Variants in PAG1 observed in about 807,000 individuals in gnomAD.
The protein encoded by PAG1 is phosphoprotein associated with glycosphingolipid-enriched microdomains 1.
A neutral mutation model predicts 31.7 loss-of-function variants in PAG1; 23 were observed. That is an observed-to-expected ratio of 0.73 (90% CI 0.52 to 1.03). The LOEUF (loss-of-function observed/expected upper bound fraction) is 1.03. PAG1 is among the 50% of genes least tolerant of loss of function. PAG1 has a pLI of 0.00. For missense variants in PAG1, 473 were observed against 540.7 expected (o/e 0.87, Z 1.24); for synonymous variants, 214 against 210.3 (o/e 1.02, Z -0.15).
In PAG1 at chr8:80,972,279, C is replaced by T. The variant is rs1807093150; in HGVS notation, c.*4265G>A. 1 of 152,142 alleles carries T rather than the reference C, an allele frequency of 6.6e-6. No individual in the cohort carries two copies. Among genetic ancestry groups the T allele is most frequent in the South Asian group, 2.1e-4 (1 of 4,818 alleles). The allele number at this position is 152,142 out of a possible 1,614,324, so 9.4% of individuals were successfully genotyped here. On this transcript the variant is annotated 3_prime_UTR_variant, in exon 9 of 9. Coordinates refer to ENST00000220597, the MANE Select transcript of PAG1 (RefSeq NM_018440.4). ...GCTGGGTACCAGAAATCAACACCTT[C>T]AGGAGAATGGCATCACAAGATTGCA...
intron 3 of PAG1, among the ~76,000 whole-genome samples, chr8:81,018,925 T>A (rs546032895): frequency 6.6e-6 from 1 of 152,150 alleles, no homozygotes. Flanking sequence ...CAGAAGAAGA[T>A]AAGAAAATGT....
Position 80,968,679 on chromosome 8 carries a change from T to C in PAG1, c.*7865A>G, listed in dbSNP as rs566261524. Reference sequence around the variant, plus strand: ...AAAGTAGATGTCTTTACAAGAAATATATTTGAAAAAATGCTTCTAGTCACC... The same window carrying C: ...AAAGTAGATGTCTTTACAAGAAATACATTTGAAAAAATGCTTCTAGTCACC... On this transcript the variant is annotated 3_prime_UTR_variant, in exon 9 of 9. Coordinates refer to ENST00000220597, the MANE Select transcript of PAG1 (RefSeq NM_018440.4). 3 of 152,302 alleles carry C rather than the reference T, an allele frequency of 2.0e-5. No individual in the cohort carries two copies. Among genetic ancestry groups the C allele is most frequent in the African/African-American group, 7.2e-5 (3 of 41,570 alleles). 9.4% of individuals were successfully genotyped at this position (152,302 alleles called of 1,614,324 possible).
intron 5 of PAG1, among the ~76,000 whole-genome samples, chr8:80,989,671 C>A (rs573721308): frequency 6.6e-6 from 1 of 152,152 alleles, no homozygotes; most frequent in Non-Finnish European, 1.5e-5. Context: ...CACTCTCTTC[C>A]TATCTCGCCC....
chr8:81,050,619 TTGTCTA>T (rs1172679182), intron 2 of PAG1, among the ~76,000 whole-genome samples: 1 of 152,220 alleles, frequency 6.6e-6, no homozygotes, highest in Non-Finnish European at 1.5e-5. Flanking sequence ...CTATCTGTAT[TTGTCTA>T]TAAGTTAATT....
intron 5 of PAG1, among the ~76,000 whole-genome samples, chr8:80,988,918 T>G (rs1807480841): frequency 6.6e-6 from 1 of 152,228 alleles, no homozygotes; most frequent in Non-Finnish European, 1.5e-5. Flanking sequence ...TGTTCATGTA[T>G]TTCTTTAAAT....
intron 2 of PAG1, among the ~76,000 whole-genome samples, chr8:81,052,023 G>A (rs200124205): frequency 2.0e-4 from 30 of 151,838 alleles, no homozygotes; most frequent in Admixed American, 2.6e-4. Context: ...CCAGCTACTC[G>A]GGAGGCTGAG....
intron 2 of PAG1, among the ~76,000 whole-genome samples, chr8:81,061,258 C>G (rs1474937165): frequency 2.6e-5 from 4 of 152,202 alleles, no homozygotes; most frequent in Non-Finnish European, 5.9e-5. Context: ...TTACTCAGGT[C>G]TACCATCAGA....
chr8:81,094,560 C>A (rs993198626), intron 1 of PAG1, among the ~76,000 whole-genome samples: 3 of 152,084 alleles, frequency 2.0e-5, no homozygotes, highest in African/African-American at 7.2e-5. Context: ...CTTTCAACTT[C>A]TTTTATGGGA....
chr8:81,111,050 T>C (rs1809765290), intron 1 of PAG1, among the ~76,000 whole-genome samples: 1 of 152,236 alleles, frequency 6.6e-6, no homozygotes, highest in African/African-American at 2.4e-5. Flanking sequence ...AGAGCTCGTT[T>C]TATTTGCCTT....
chr8:81,001,820 C>T (rs1274987091), intron 3 of PAG1, among the ~76,000 whole-genome samples: 2 of 152,196 alleles, frequency 1.3e-5, no homozygotes, highest in African/African-American at 4.8e-5. Context: ...CCTCTTCTAA[C>T]ACACTGCCCA....
chr8:80,995,771 C>T (rs1807661157), intron 3 of PAG1, among the ~76,000 whole-genome samples: 1 of 152,296 alleles, frequency 6.6e-6, no homozygotes, highest in Non-Finnish European at 1.5e-5. Flanking sequence ...GTGGAATCGC[C>T]AACAACTCTC....
intron 1 of PAG1, among the ~76,000 whole-genome samples, chr8:81,093,945 T>C (rs1419682366): frequency 1.3e-5 from 2 of 152,208 alleles, no homozygotes; most frequent in Middle Eastern, 3.4e-3. Flanking sequence ...GTATAGCCCC[T>C]CCATCACTTC....
chr8:81,043,285 A>T (rs1166587221), intron 2 of PAG1, among the ~76,000 whole-genome samples: 1 of 152,228 alleles, frequency 6.6e-6, no homozygotes, highest in Non-Finnish European at 1.5e-5. Flanking sequence ...TTCACAGAAC[A>T]CACAGGATAT....
chr8:81,027,130 C>T (rs1808295146), intron 3 of PAG1, among the ~76,000 whole-genome samples: 1 of 152,070 alleles, frequency 6.6e-6, no homozygotes, highest in Non-Finnish European at 1.5e-5. Context: ...CCCACTTCAG[C>T]CTCCCAGGTA....
intron 1 of PAG1, among the ~76,000 whole-genome samples, chr8:81,089,926 A>C (rs1809419466): frequency 6.6e-6 from 1 of 152,214 alleles, no homozygotes; most frequent in Non-Finnish European, 1.5e-5. Flanking sequence ...TTAATTTAAA[A>C]AATCAAAGAT....
At chr8:80,978,505 C>T (rs1044536481) in intron 8 of PAG1, among the ~76,000 whole-genome samples, 5 of 152,160 alleles carry the variant, frequency 3.3e-5, no homozygotes, top group African/African-American at 1.2e-4. Flanking sequence ...CACCTGGTAA[C>T]ATCAAGGAGG....
At chr8:80,982,543 A>C (rs1807329481) in intron 7 of PAG1, among the ~76,000 whole-genome samples, 1 of 152,150 alleles carries the variant, frequency 6.6e-6, no homozygotes, top group Admixed American at 6.5e-5. Context: ...ATGACTTTTA[A>C]AACCACATTC....
chr8:80,994,684 C>T (rs958771429), intron 3 of PAG1, among the ~76,000 whole-genome samples: 1 of 152,134 alleles, frequency 6.6e-6, no homozygotes, highest in South Asian at 2.1e-4. Flanking sequence ...TGCACCCTGT[C>T]CCAATACTTC....
chr8:81,044,160 C>A (rs7000832), intron 2 of PAG1, among the ~76,000 whole-genome samples: 49,163 of 152,096 alleles, frequency 0.32, 9,781 homozygotes, highest in South Asian at 0.45. Context: ...CATCTGAATG[C>A]CTGGGGGCAG....
Sources: allele counts gnomAD v4.1 joint callset (sites outside exome capture counted in the v4.1 genomes callset), GRCh38; gene constraint gnomAD v4.1.1; transcripts MANE v1.5; gene names NCBI Gene and HGNC (gene_info 2026-07-23, HGNC 2026-07-21).